Variants in TAFA4 observed in about 807,000 individuals in gnomAD.
TAFA4 encodes TAFA chemokine like family member 4.
TAFA4 carries 20 observed loss-of-function variants against 21.1 expected under a neutral mutation model. That is an observed-to-expected ratio of 0.95 (90% confidence interval 0.67 to 1.38). The LOEUF (loss-of-function observed/expected upper bound fraction) is 1.38, where lower values mean the gene tolerates loss of function less well. TAFA4 is among the 40% of genes most tolerant of loss of function. The pLI is 0.00. For synonymous variants in TAFA4, 71 were observed against 67.4 expected (o/e 1.05, Z -0.26); for missense variants, 211 against 180.9 (o/e 1.17, Z -0.95).
chr3:68,805,798 AC>A (rs1703683362), intron 3 of TAFA4, among the ~76,000 whole-genome samples: 1 of 150,558 alleles, frequency 6.6e-6, no homozygotes, highest in Admixed American at 6.7e-5. Context: ...CACTCTGGGG[AC>A]TGTTGTGGGG....
At chr3:68,918,521 T>G (rs1448152196) in intron 1 of TAFA4, among the ~76,000 whole-genome samples, 1 of 152,206 alleles carries the variant, frequency 6.6e-6, no homozygotes, top group African/African-American at 2.4e-5. Flanking sequence ...ACAAAATTCC[T>G]AAATTATAAA....
At chr3:68,869,628 A>C (rs552924901) in intron 3 of TAFA4, among the ~76,000 whole-genome samples, 1 of 152,238 alleles carries the variant, frequency 6.6e-6, no homozygotes, top group South Asian at 2.1e-4. Flanking sequence ...TCATTTCCAC[A>C]GATGTTTTAA....
chr3:68,777,976 T>C (rs955953955), intron 3 of TAFA4, among the ~76,000 whole-genome samples: 1 of 152,122 alleles, frequency 6.6e-6, no homozygotes, highest in Non-Finnish European at 1.5e-5. Context: ...CAACATTACC[T>C]AACAATATCT....
intron 3 of TAFA4, among the ~76,000 whole-genome samples, chr3:68,829,810 C>A (rs1291067749): frequency 6.6e-6 from 1 of 152,142 alleles, no homozygotes; most frequent in East Asian, 1.9e-4. Context: ...TTGAATCTGT[C>A]CGGTCCTGGA....
chr3:68,739,254 G>A, intron 4 of TAFA4, 55 bp from the exon 5 acceptor site: 1 of 1,600,778 alleles, frequency 6.2e-7, no homozygotes, highest in Non-Finnish European at 8.5e-7. Flanking sequence ...TCCAAAGATG[G>A]ACAAAATAAA....
At chr3:68,780,413 C>T (rs1703133313) in intron 3 of TAFA4, among the ~76,000 whole-genome samples, 1 of 152,188 alleles carries the variant, frequency 6.6e-6, no homozygotes, top group Non-Finnish European at 1.5e-5. Flanking sequence ...ACCCATATCT[C>T]ATCTTCAATT....
Position 68,752,920 on chromosome 3 carries a change from A to C in TAFA4, c.229T>G (p.Ser77Ala). 6.2e-7 allele frequency: 1 copy of C among 1,614,160 alleles called. No homozygotes were observed. The highest frequency in any genetic ancestry group is 2.2e-5 in the East Asian group (1 of 44,866). ...CCCGCCACCTGTCCCGGGAAGCAAG[A>C]GCACTTGACCGTTTGTGACCGCTCT... The part of the protein sequence containing the change: ...IEERSQTVKC[S>A]CFPGQVAGTT... The change falls in exon 4 of 6, where the codon TCT (serine) becomes GCT (alanine). Residue 77 changes from serine to alanine, a missense_variant. Coordinates refer to ENST00000295569, the MANE Select transcript of TAFA4 (RefSeq NM_182522.5).
chr3:68,911,629 T>TA (rs2089962509), intron 1 of TAFA4, among the ~76,000 whole-genome samples: 1 of 152,190 alleles, frequency 6.6e-6, no homozygotes. Flanking sequence ...GGCTTATACC[T>TA]AAATCGGAGA....
chr3:68,926,075 T>C (rs903952264), intron 1 of TAFA4, among the ~76,000 whole-genome samples: 1 of 151,918 alleles, frequency 6.6e-6, no homozygotes, highest in East Asian at 1.9e-4. Flanking sequence ...CTACTAAAAA[T>C]ACAAAAATTA....
intron 1 of TAFA4, among the ~76,000 whole-genome samples, chr3:68,925,114 G>A (rs145649995): frequency 6.2e-4 from 94 of 152,318 alleles, no homozygotes; most frequent in African/African-American, 2.2e-3. Flanking sequence ...AGGACAGAGT[G>A]CAAAGAAGAT....
At chr3:68,736,963 A>G (rs528939163) in intron 5 of TAFA4, among the ~76,000 whole-genome samples, 1 of 152,260 alleles carries the variant, frequency 6.6e-6, no homozygotes, top group East Asian at 1.9e-4. Context: ...TGTCACTACC[A>G]TTGAGGATTT....
At chr3:68,820,462 G>C (rs1246453918) in intron 3 of TAFA4, among the ~76,000 whole-genome samples, 1 of 151,946 alleles carries the variant, frequency 6.6e-6, no homozygotes, top group Non-Finnish European at 1.5e-5. Flanking sequence ...GGGAATTTGA[G>C]ACCAGGAGTT....
intron 3 of TAFA4, among the ~76,000 whole-genome samples, chr3:68,753,336 T>TTTTTTG (rs1328693333): frequency 2.1e-5 from 3 of 144,264 alleles, no homozygotes; most frequent in African/African-American, 7.7e-5. Context: ...TTGATAGAGT[T>TTTTTTG]TTTTTTTTTT....
At chr3:68,783,663 C>A (rs1396976057) in intron 3 of TAFA4, among the ~76,000 whole-genome samples, 1 of 68,494 alleles carries the variant, frequency 1.5e-5, no homozygotes, top group Non-Finnish European at 2.8e-5. Flanking sequence ...AAATCACAGA[C>A]ACACACACAC....
chr3:68,820,419 C>T (rs1401276932), intron 3 of TAFA4, among the ~76,000 whole-genome samples: 7 of 152,076 alleles, frequency 4.6e-5, no homozygotes, highest in Admixed American at 1.3e-4. Flanking sequence ...TAGCTGACGC[C>T]TGCAATCTCA....
At chr3:68,905,020 A>G (rs2089885478) in intron 1 of TAFA4, among the ~76,000 whole-genome samples, 4 of 152,102 alleles carry the variant, frequency 2.6e-5, no homozygotes, top group African/African-American at 7.2e-5. Flanking sequence ...TTTTTCCTCT[A>G]TAGCAGCTCC....
chr3:68,780,870 T>C (rs1703141048), intron 3 of TAFA4, among the ~76,000 whole-genome samples: 1 of 150,696 alleles, frequency 6.6e-6, no homozygotes, highest in Admixed American at 6.6e-5. Context: ...ATATGGAATA[T>C]TCATCAAGTC....
chr3:68,752,973 T>G lies in TAFA4; in HGVS notation c.176A>C (p.His59Pro), dbSNP rs758517467. ...TATGCGGTTCTTATTGCAGCACCTG[T>G]GCACGGCGACCACCTCACAGGTCCC... is the stretch of plus-strand genomic sequence containing the variant. Reference protein sequence around the residue: ...KQGTCEVVAVHRCCNKNRIEE... With the variant: ...KQGTCEVVAVPRCCNKNRIEE... Residue 59 changes from histidine to proline, a missense_variant, in exon 4 of 6, where the codon CAC becomes CCC. Physicochemically the swap from His to Pro is moderately conservative, Grantham distance 77. Coordinates refer to ENST00000295569, the MANE Select transcript of TAFA4 (RefSeq NM_182522.5). The G allele has an allele frequency of 3.1e-6, 5 of 1,613,882 alleles. No individual in the cohort carries two copies. In the East Asian group the frequency reaches 1.1e-4, roughly 36 times the overall value.
chr3:68,818,650 G>C (rs1242509474), intron 3 of TAFA4, among the ~76,000 whole-genome samples: 1 of 152,172 alleles, frequency 6.6e-6, no homozygotes, highest in Non-Finnish European at 1.5e-5. Flanking sequence ...TTGTGTCTCA[G>C]GGAATAGGAA....
Sources: gnomAD v4.1 joint callset for allele counts (sites outside exome capture counted in the v4.1 genomes callset) on GRCh38, gnomAD v4.1.1 for gene constraint, MANE v1.5 for transcripts, NCBI Gene and HGNC (gene_info 2026-07-23, HGNC 2026-07-21) for gene names.